The following ZNF608 variants were observed in gnomAD, a reference collection of about 807,000 sequenced individuals.
ZNF608 encodes zinc finger protein 608, also known as renal carcinoma antigen NY-REN-36.
A neutral mutation model predicts 109.0 loss-of-function variants in ZNF608; 12 were observed. The observed-to-expected ratio is 0.11, with a 90% CI of 0.07 to 0.18. The LOEUF (loss-of-function observed/expected upper bound fraction) is 0.18. ZNF608 is among the 10% of genes least tolerant of loss of function. The pLI, the probability that ZNF608 is intolerant of heterozygous loss-of-function variation, is 1.00. For synonymous variants in ZNF608, 732 were observed against 717.4 expected (o/e 1.02, Z -0.33); for missense variants, 1,707 against 1,879.3 (o/e 0.91, Z 1.70).
chr5:124,745,728 GT>G (rs1749616030), intron 1 of ZNF608, among the ~76,000 whole-genome samples: 1 of 152,068 alleles, frequency 6.6e-6, no homozygotes, highest in Non-Finnish European at 1.5e-5. Context: ...TGGGCAATCT[GT>G]TTTTTGTTCC....
At position 124,649,001 on chromosome 5, in the gene ZNF608, G is replaced by A. The variant is rs745462590; in HGVS notation, c.1383C>T (p.Asn461=). ...FTESRGLQNK[N]RGGANGKGRR... ...TCCCTTTCCCATTGGCCCCCCCTCT[G>A]TTCTTATTCTGCAGCCCTCTGGACT... The change falls in exon 5 of 10, where the codon AAC becomes AAT. Residue 461 remains asparagine (N), a synonymous_variant. Transcript: ENST00000513986. 1.2e-6 allele frequency: 2 copies of A among 1,614,114 alleles called. No individual in the cohort carries two copies. Among genetic ancestry groups the A allele is most frequent in the South Asian group, 2.2e-5 (2 of 91,066 alleles).
rs768948264 is a variant in ZNF608 at position 124,639,146 on chromosome 5, G to T, written c.4519C>A (p.Pro1507Thr). The stretch of plus-strand genomic sequence containing the variant: ...GAGGATATTTACCTTCTTTGTCCAG[G>T]AAACATTCCAGATGCAGATGCCTGG... Reference protein sequence around the residue: ...AAQASASGMFPGQRRE With the variant: ...AAQASASGMFTGQRRE Residue 1507 changes from proline (P) to threonine (T), a missense_variant, in exon 9 of 10, where the codon CCT (proline) becomes ACT (threonine). This residue lies in a region of ZNF608 where 1,073 missense variants were observed against 1,133.5 expected (regional missense o/e 0.95). Transcript: ENST00000513986. 5.0e-6 allele frequency: 8 copies of T among 1,614,164 alleles called. No individual in the cohort carries two copies. Among genetic ancestry groups the T allele is most frequent in the Non-Finnish European group, 5.9e-6 (7 of 1,179,994 alleles).
chr5:124,671,737 G>A (rs1362324911), intron 3 of ZNF608, among the ~76,000 whole-genome samples: 1 of 150,124 alleles, frequency 6.7e-6, no homozygotes, highest in Non-Finnish European at 1.5e-5. Context: ...CTGGGCTCAA[G>A]CCATCCTTCT....
At position 124,701,115 on chromosome 5, in the gene ZNF608, G is replaced by T; in HGVS notation, c.1061C>A (p.Thr354Lys). 6.2e-7 allele frequency: 1 copy of T among 1,614,114 alleles called. No individual in the cohort carries two copies. The highest frequency in any genetic ancestry group is 8.5e-7 in the Non-Finnish European group (1 of 1,180,016). ...LVRTRSVGVN[T>K]CEVGVVTEPE... is the part of the protein sequence containing the mutation. ...CTCTGTCACTACTCCAACTTCACAT[G>T]TATTGACACCCACAGAACGAGTCCG... The change falls in exon 3 of 10, where the codon ACA becomes AAA. Residue 354 changes from threonine (T) to lysine (K), a missense_variant. Physicochemically the swap from Thr to Lys is moderately conservative, Grantham distance 78. Transcript: ENST00000513986.
At chr5:124,727,947 C>T (rs1021060702) in intron 2 of ZNF608, among the ~76,000 whole-genome samples, 5 of 152,018 alleles carry the variant, frequency 3.3e-5, no homozygotes, top group African/African-American at 7.2e-5. Context: ...CCATGTTGGT[C>T]GGGCTGGTCT....
At chr5:124,639,075 C>T in intron 9 of ZNF608, 58 bp downstream of exon 9, 1 of 1,538,418 alleles carries the variant, frequency 6.5e-7, no homozygotes, top group Non-Finnish European at 8.9e-7. Flanking sequence ...TACTTGCTTC[C>T]TCCCAACCAT....
intron 2 of ZNF608, among the ~76,000 whole-genome samples, chr5:124,730,777 T>C (rs895821298): frequency 3.3e-5 from 5 of 152,348 alleles, no homozygotes; most frequent in African/African-American, 1.2e-4. Flanking sequence ...CTCTTGTTAA[T>C]ATTAAATTGT....
chr5:124,644,509 T>G lies in ZNF608; in HGVS notation c.3858A>C (p.Val1286=), dbSNP rs1353642658. The change falls in exon 6 of 10, where the codon GTA becomes GTC. Residue 1286 remains valine, a synonymous_variant. Transcript: ENST00000513986. ...NKESGVPSLP[V]SLTSIKEEPK... ...GCTCCTCTTTAATGCTTGTTAACGA[T>G]ACAGGAAGGCTGGGCACACCACTCT... 2.5e-6 allele frequency: 4 copies of G among 1,614,168 alleles called. No individual in the cohort carries two copies. In the South Asian group the frequency reaches 3.3e-5, roughly 13 times the overall value.
intron 3 of ZNF608, among the ~76,000 whole-genome samples, chr5:124,670,425 G>A (rs932023493): frequency 1.3e-5 from 2 of 151,276 alleles, no homozygotes; most frequent in African/African-American, 4.9e-5. Flanking sequence ...CTATGTAAAT[G>A]TGTGCTATTT....
At chr5:124,675,961 A>G (rs1244594170) in intron 3 of ZNF608, among the ~76,000 whole-genome samples, 5 of 152,310 alleles carry the variant, frequency 3.3e-5, no homozygotes, top group Middle Eastern at 6.8e-3. Context: ...CCTTTCTGGG[A>G]GGTAGTATCT....
chr5:124,691,366 C>T (rs757129892), intron 3 of ZNF608, among the ~76,000 whole-genome samples: 14 of 152,152 alleles, frequency 9.2e-5, no homozygotes, highest in Non-Finnish European at 1.5e-5. Context: ...TGTGAAGATG[C>T]TCAGTGCTCA....
intron 2 of ZNF608, among the ~76,000 whole-genome samples, chr5:124,731,651 C>T (rs1326678115): frequency 1.3e-5 from 2 of 151,750 alleles, no homozygotes; most frequent in African/African-American, 4.8e-5. Flanking sequence ...CATGGTGAAA[C>T]CCCATCTCAA....
chr5:124,680,107 C>T (rs1040492880), intron 3 of ZNF608, among the ~76,000 whole-genome samples: 1 of 151,964 alleles, frequency 6.6e-6, no homozygotes, highest in Non-Finnish European at 1.5e-5. Flanking sequence ...AGCTTATAGT[C>T]TTCTGAAAAC....
Position 124,676,112 on chromosome 5 carries a change from A to G in ZNF608, c.1162+24902T>C, listed in dbSNP as rs1273031161. ...AGAAGTCATACTTGAAAAATGGTACATATTTATTGAGAACTTAGTGTGTTC... is the reference window on the plus strand; with the variant it reads ...AGAAGTCATACTTGAAAAATGGTACGTATTTATTGAGAACTTAGTGTGTTC... On this transcript the variant is annotated intron_variant, in intron 3 of 9. Coordinates refer to ENST00000513986, the MANE Select transcript of ZNF608 (RefSeq NM_020747.3). Among the ~76,000 whole-genome samples, 6 of 152,302 alleles carry G rather than the reference A, an allele frequency of 3.9e-5. No individual in the cohort carries two copies. In the East Asian group the frequency reaches 9.7e-4, roughly 25 times the overall value.
chr5:124,649,169 C>T (rs765354428), intron 4 of ZNF608, 36 bp from the exon 5 acceptor site: 7 of 1,504,002 alleles, frequency 4.7e-6, no homozygotes, highest in Non-Finnish European at 6.2e-6. Context: ...AAATGAGCAT[C>T]CCCAAAAGAG....
intron 3 of ZNF608, among the ~76,000 whole-genome samples, chr5:124,693,941 A>G (rs1170463436): frequency 1.5e-5 from 1 of 67,566 alleles, no homozygotes; most frequent in East Asian, 4.2e-4. Context: ...TACCTTCTGT[A>G]TTTTTCTGTG....
intron 4 of ZNF608, 118 bp downstream of exon 4, chr5:124,649,492 A>G (rs1180730479): frequency 2.0e-5 from 16 of 791,336 alleles, no homozygotes; most frequent in Non-Finnish European, 3.0e-5. Context: ...TAAATTGCTC[A>G]TTTCTCCTTT....
chr5:124,683,543 T>C (rs1228175726), intron 3 of ZNF608, among the ~76,000 whole-genome samples: 1 of 152,088 alleles, frequency 6.6e-6, no homozygotes, highest in Non-Finnish European at 1.5e-5. Flanking sequence ...TAAACATGTG[T>C]TTTCAAAATA....
At chr5:124,712,001 T>TAGCC (rs1561577320) in intron 2 of ZNF608, among the ~76,000 whole-genome samples, 1 of 151,968 alleles carries the variant, frequency 6.6e-6, no homozygotes, top group Non-Finnish European at 1.5e-5. Context: ...CATTACCAAT[T>TAGCC]AGCCGGGTGT....
Sources: gnomAD v4.1 joint callset for allele counts (sites outside exome capture counted in the v4.1 genomes callset) on GRCh38, gnomAD v4.1.1 for gene constraint, gnomAD v4.1.1 regional missense constraint, MANE v1.5 for transcripts, NCBI Gene and HGNC (gene_info 2026-07-23, HGNC 2026-07-21) for gene names.